Variants in DLC1 observed in about 807,000 individuals in gnomAD.
DLC1 encodes rho GTPase-activating protein 7.
In DLC1, 54 loss-of-function variants were observed where a neutral mutation model predicts 140.3. That is an observed-to-expected ratio of 0.38 (90% CI 0.31 to 0.48). The LOEUF is 0.48. Among genes scored for constraint, DLC1 ranks in the 20% least tolerant of loss-of-function variants. The probability of loss-of-function intolerance (pLI) is 0.96; values close to 1 mark genes in which losing one functional copy is unlikely to be tolerated. For missense variants in DLC1, 2,536 were observed against 1,907.0 expected, an observed-to-expected ratio of 1.33 and a Z score of -6.14; for synonymous variants, 986 against 728.1, an observed-to-expected ratio of 1.35 and a Z score of -5.70.
chr8:13,299,166 G>C (rs2117494343), intron 5 of DLC1, among the ~76,000 whole-genome samples: 1 of 152,190 alleles, frequency 6.6e-6, no homozygotes, highest in South Asian at 2.1e-4. Context: ...AATGTGGATG[G>C]GTGGGGTGGC....
At chr8:13,115,873 AC>A (rs1563629703) in intron 5 of DLC1, among the ~76,000 whole-genome samples, 1 of 152,150 alleles carries the variant, frequency 6.6e-6, no homozygotes, top group African/African-American at 2.4e-5. Flanking sequence ...TTTTCCCTTT[AC>A]AAAAAATAGA....
chr8:13,457,836 GA>G (rs1489121917), intron 2 of DLC1, among the ~76,000 whole-genome samples: 1 of 152,072 alleles, frequency 6.6e-6, no homozygotes, highest in Non-Finnish European at 1.5e-5. Context: ...GTAGAAGGAA[GA>G]AAAACATGAA....
intron 1 of DLC1, among the ~76,000 whole-genome samples, chr8:13,580,139 T>TTATTTTTC (rs1272313922): frequency 3.3e-5 from 5 of 152,132 alleles, no homozygotes; most frequent in Admixed American, 6.5e-5. Context: ...TTTTATTTTT[T>TTATTTTTC]TGAGACAGAG....
At chr8:13,228,707 C>A (rs1027119254) in intron 5 of DLC1, among the ~76,000 whole-genome samples, 1 of 152,192 alleles carries the variant, frequency 6.6e-6, no homozygotes, top group Non-Finnish European at 1.5e-5. Context: ...TCGTGCTGCT[C>A]CACTCCAGCC....
chr8:13,090,618 C>T (rs1181395147), intron 14 of DLC1, 148 bp from the exon 15 acceptor site: 1 of 791,438 alleles, frequency 1.3e-6, no homozygotes. Flanking sequence ...ATCATGCTGA[C>T]CGCACGTGTT....
chr8:13,524,714 T>G (rs978360932), intron 1 of DLC1, among the ~76,000 whole-genome samples: 1 of 152,124 alleles, frequency 6.6e-6, no homozygotes, highest in Non-Finnish European at 1.5e-5. Flanking sequence ...GTTGTGTTTT[T>G]TTTTTCATCT....
intron 5 of DLC1, among the ~76,000 whole-genome samples, chr8:13,251,101 T>A (rs1829984644): frequency 6.6e-6 from 1 of 152,226 alleles, no homozygotes; most frequent in East Asian, 1.9e-4. Flanking sequence ...CACCTTCTTG[T>A]CTTCTCACAT....
chr8:13,596,426 G>T (rs995806405), intron 1 of DLC1, among the ~76,000 whole-genome samples: 1 of 151,874 alleles, frequency 6.6e-6, no homozygotes, highest in Non-Finnish European at 1.5e-5. Context: ...TCCATAGAGG[G>T]TCTATGGAAC....
At chr8:13,096,481 A>C (rs893315115) in intron 10 of DLC1, among the ~76,000 whole-genome samples, 2 of 152,114 alleles carry the variant, frequency 1.3e-5, no homozygotes, top group Non-Finnish European at 2.9e-5. Flanking sequence ...ATTTCCATAC[A>C]GTTAAGTGTG....
chr8:13,140,663 G>A (rs925670226), intron 5 of DLC1, among the ~76,000 whole-genome samples: 1 of 151,822 alleles, frequency 6.6e-6, no homozygotes, highest in African/African-American at 2.4e-5. Context: ...TGCCTTTCAA[G>A]CTTATTAATT....
At chr8:13,225,219 G>C (rs1427633868) in intron 5 of DLC1, among the ~76,000 whole-genome samples, 2 of 152,194 alleles carry the variant, frequency 1.3e-5, no homozygotes, top group Non-Finnish European at 2.9e-5. Flanking sequence ...AGTGATTCTT[G>C]ACAGAGAACA....
At chr8:13,494,168 T>C (rs771674696) in intron 2 of DLC1, among the ~76,000 whole-genome samples, 1 of 152,214 alleles carries the variant, frequency 6.6e-6, no homozygotes, top group African/African-American at 2.4e-5. Context: ...AGAACATATA[T>C]GCAGCTTGGT....
intron 2 of DLC1, among the ~76,000 whole-genome samples, chr8:13,446,776 A>G (rs1175115978): frequency 1.3e-5 from 2 of 152,148 alleles, no homozygotes; most frequent in African/African-American, 4.8e-5. Flanking sequence ...CCCTGTCTCT[A>G]TTAAAAATAC....
intron 2 of DLC1, among the ~76,000 whole-genome samples, chr8:13,461,892 G>A (rs535579920): frequency 1.3e-5 from 2 of 152,290 alleles, no homozygotes; most frequent in South Asian, 2.1e-4. Context: ...CCTGTGACAT[G>A]CTGTGTGATG....
At chr8:13,490,549 A>T (rs1801186934) in intron 2 of DLC1, among the ~76,000 whole-genome samples, 1 of 152,198 alleles carries the variant, frequency 6.6e-6, no homozygotes, top group African/African-American at 2.4e-5. Context: ...TACATAGGTT[A>T]TGTGATTTAT....
At chr8:13,167,318 A>C (rs937073515) in intron 5 of DLC1, among the ~76,000 whole-genome samples, 4 of 151,288 alleles carry the variant, frequency 2.6e-5, no homozygotes, top group Non-Finnish European at 4.4e-5. Flanking sequence ...AAAGCTTGCA[A>C]GGGAACTTAA....
At position 13,090,372 on chromosome 8, in the gene DLC1, T is replaced by C; in HGVS notation, c.3954A>G (p.Ser1318=). The change falls in exon 15 of 18, where the codon TCA becomes TCG. Residue 1318 remains serine, a synonymous_variant. Transcript: ENST00000276297. ...EALGHLGNDD[S]ADYQHFLQDC... Reference sequence around the variant, plus strand: ...CCTGGAGGAAGTGTTGGTAGTCAGCTGAGTCATCATTACCCAGGTGCCCGA... The same window carrying C: ...CCTGGAGGAAGTGTTGGTAGTCAGCCGAGTCATCATTACCCAGGTGCCCGA... The C allele has an allele frequency of 6.2e-7, 1 of 1,614,236 alleles. No individual in the cohort carries two copies. The highest frequency in any genetic ancestry group is 8.5e-7 in the Non-Finnish European group (1 of 1,180,048).
chr8:13,214,395 C>A, intron 5 of DLC1: 1 of 409,358 alleles, frequency 2.4e-6, no homozygotes, highest in East Asian at 3.9e-5. Flanking sequence ...CTTTGGAGCC[C>A]ACTCTCCTAT....
intron 2 of DLC1, among the ~76,000 whole-genome samples, chr8:13,478,814 A>G (rs1359524120): frequency 6.6e-6 from 1 of 152,224 alleles, no homozygotes; most frequent in Non-Finnish European, 1.5e-5. Context: ...TTTTTAATAC[A>G]TAACTTTGCT....
Sources: gnomAD v4.1 joint callset for allele counts (sites outside exome capture counted in the v4.1 genomes callset) on GRCh38, gnomAD v4.1.1 for gene constraint, MANE v1.5 for transcripts, NCBI Gene and HGNC (gene_info 2026-07-23, HGNC 2026-07-21) for gene names.